The following PABIR2 variants were observed in gnomAD, a reference collection of about 807,000 sequenced individuals.
The protein encoded by PABIR2 is PABIR family member 2, also known as family with sequence similarity 122B.
Under a neutral mutation model 22.8 loss-of-function variants are expected in PABIR2, and 7 were observed. The ratio of observed to expected loss-of-function variants is 0.31; its 90% CI spans 0.17 to 0.58. The LOEUF is 0.58. Among genes scored for constraint, PABIR2 ranks in the 20% least tolerant of loss-of-function variants. The pLI, the probability that PABIR2 is intolerant of heterozygous loss-of-function variation, is 0.89. For missense variants in PABIR2, 155 were observed against 205.1 expected, an observed-to-expected ratio of 0.76 and a Z score of 1.49; for synonymous variants, 67 against 73.8, an observed-to-expected ratio of 0.91 and a Z score of 0.47.
intron 7 of PABIR2, 24 bp from the exon 8 acceptor site, chrX:134,785,974 T>A (rs1301842364): frequency 8.4e-7 from 1 of 1,190,920 alleles, no homozygotes; most frequent in African/African-American, 1.8e-5. Flanking sequence ...ACAAACAGGA[T>A]AATGTGAAGA....
At chrX:134,783,305 G>A (rs373748265) in intron 8 of PABIR2, among the ~76,000 whole-genome samples, 12 of 112,444 alleles carry the variant, frequency 1.1e-4, no homozygotes, top group African/African-American at 2.6e-4. Context: ...TTTGGAATCT[G>A]TGTATGATCC....
At chrX:134,777,892 T>TC (rs1388304675) in intron 9 of PABIR2, among the ~76,000 whole-genome samples, 6 of 99,213 alleles carry the variant, frequency 6.0e-5, no homozygotes, top group Non-Finnish European at 1.0e-4. Flanking sequence ...TTGGTTTTTT[T>TC]TTTTTTTTTT....
chrX:134,794,560 A>AC (rs1252327554), intron 1 of PABIR2, among the ~76,000 whole-genome samples: 1 of 112,028 alleles, frequency 8.9e-6, no homozygotes, highest in Non-Finnish European at 1.9e-5. Flanking sequence ...TCTCCTTTGA[A>AC]CCCAAAGAGT....
At chrX:134,773,265 T>C (rs1051956348) in intron 9 of PABIR2, among the ~76,000 whole-genome samples, 1 of 110,043 alleles carries the variant, frequency 9.1e-6, no homozygotes, top group African/African-American at 3.3e-5. Flanking sequence ...AATTCAATCA[T>C]TCACTTATTC....
At chrX:134,774,379 C>T (rs1392138969) in intron 9 of PABIR2, among the ~76,000 whole-genome samples, 3 of 111,739 alleles carry the variant, frequency 2.7e-5, no homozygotes, top group Non-Finnish European at 5.6e-5. Context: ...ACGAAGGACA[C>T]GCTCTTTGCT....
intron 8 of PABIR2, 93 bp from the exon 9 acceptor site, chrX:134,782,010 G>T: frequency 3.7e-6 from 2 of 541,433 alleles, no homozygotes; most frequent in South Asian, 4.6e-5. Context: ...CCAAAGCTCA[G>T]AATACTTCTT....
Position 134,789,608 on chromosome X carries a change from G to C in PABIR2, c.206C>G (p.Pro69Arg). Reference sequence around the variant, plus strand: ...TTTGATCTGATGCAGTCTGCTACTAGGAATACGATTAGGTGAGGATGACAG... The same window carrying C: ...TTTGATCTGATGCAGTCTGCTACTACGAATACGATTAGGTGAGGATGACAG... ...LLLSSSPNRI[P>R]SSRLHQIKRE... Residue 69 changes from proline (P) to arginine (R), a missense_variant, in exon 3 of 10, where the codon CCT becomes CGT. Transcript: ENST00000343004. 1 of 1,154,971 alleles carries C rather than the reference G, an allele frequency of 8.7e-7. No homozygotes were observed. Among genetic ancestry groups the C allele is most frequent in the Non-Finnish European group, 1.1e-6 (1 of 871,823 alleles).
intron 2 of PABIR2, among the ~76,000 whole-genome samples, chrX:134,791,342 A>G (rs1036363707): frequency 1.8e-5 from 2 of 111,519 alleles, no homozygotes; most frequent in East Asian, 2.8e-4. Context: ...TTGCAAGAAC[A>G]GTTTTTTAAT....
In PABIR2 at chrX:134,771,009, C is replaced by A. The variant is rs191931075; in HGVS notation, c.*1130G>T. ...AACTATAAGGCAGTAAGAACAAGAA[C>A]TGGATTCTGATTCTGGCAGCAACAC... On this transcript the variant is annotated 3_prime_UTR_variant, in exon 10 of 10. Coordinates refer to ENST00000343004, the MANE Select transcript of PABIR2 (RefSeq NM_001387468.1). 294 of 236,110 alleles carry A rather than the reference C, an allele frequency of 1.2e-3. No homozygotes were observed. The highest frequency in any genetic ancestry group is 7.7e-3 in the African/African-American group (268 of 34,927). 19.5% of individuals were successfully genotyped at this position (236,110 alleles called of 1,213,427 possible).
intron 7 of PABIR2, among the ~76,000 whole-genome samples, chrX:134,786,819 C>T (rs7887801): frequency 0.039 from 4,240 of 107,788 alleles, 204 homozygotes; most frequent in African/African-American, 0.13. Flanking sequence ...AGGGTGGTGG[C>T]GCATGCCTGT....
chrX:134,774,271 T>C (rs1251081676), intron 9 of PABIR2, among the ~76,000 whole-genome samples: 1 of 112,150 alleles, frequency 8.9e-6, no homozygotes, highest in Non-Finnish European at 1.9e-5. Context: ...ACCTTTCTAT[T>C]TGCCTTTGGA....
chrX:134,790,664 T>C (rs2079518911), intron 2 of PABIR2, among the ~76,000 whole-genome samples: 1 of 112,345 alleles, frequency 8.9e-6, no homozygotes, highest in South Asian at 3.6e-4. Context: ...CTCAGCCTCC[T>C]GAGTAGCTGG....
intron 9 of PABIR2, among the ~76,000 whole-genome samples, chrX:134,775,264 C>T (rs1284526026): frequency 9.0e-6 from 1 of 111,328 alleles, no homozygotes; most frequent in Non-Finnish European, 1.9e-5. Flanking sequence ...GGCGCGGTGG[C>T]TCATGCTTGT....
At chrX:134,784,815 A>AGT (rs1254406558) in intron 8 of PABIR2, among the ~76,000 whole-genome samples, 1 of 111,144 alleles carries the variant, frequency 9.0e-6, no homozygotes, top group Non-Finnish European at 1.9e-5. Context: ...ATCTAACACT[A>AGT]GTGTTGACTG....
At chrX:134,773,156 G>T (rs1209318269) in intron 9 of PABIR2, among the ~76,000 whole-genome samples, 1 of 110,984 alleles carries the variant, frequency 9.0e-6, no homozygotes, top group Admixed American at 9.8e-5. Context: ...CCATACTTCA[G>T]CAAGGAACTG....
intron 2 of PABIR2, among the ~76,000 whole-genome samples, chrX:134,790,756 T>C (rs1251891758): frequency 8.9e-6 from 1 of 112,165 alleles, no homozygotes; most frequent in Non-Finnish European, 1.9e-5. Flanking sequence ...TGTATTTTAG[T>C]AGAGACGGGG....
At chrX:134,791,851 G>A (rs1056691816) in intron 2 of PABIR2, among the ~76,000 whole-genome samples, 11 of 111,738 alleles carry the variant, frequency 9.8e-5, no homozygotes, top group African/African-American at 3.2e-4. Flanking sequence ...ATCCAATTAT[G>A]TCCCAAAGAA....
chrX:134,775,337 C>A (rs749604457), intron 9 of PABIR2, among the ~76,000 whole-genome samples: 1 of 109,095 alleles, frequency 9.2e-6, no homozygotes, highest in Admixed American at 9.9e-5. Context: ...GAGACCACGG[C>A]GAAACCCCGT....
At chrX:134,790,002 T>C (rs1303084711) in intron 2 of PABIR2, among the ~76,000 whole-genome samples, 1 of 112,003 alleles carries the variant, frequency 8.9e-6, no homozygotes, top group African/African-American at 3.2e-5. Flanking sequence ...ACCAATGTTA[T>C]TAATTTTTAT....
Sources: allele counts gnomAD v4.1 joint callset (sites outside exome capture counted in the v4.1 genomes callset), GRCh38; gene constraint gnomAD v4.1.1; transcripts MANE v1.5; gene names NCBI Gene and HGNC (gene_info 2026-07-23, HGNC 2026-07-21).